The following AGBL1 variants were observed in gnomAD, a reference collection of about 807,000 sequenced individuals.
AGBL1 encodes the protein cytosolic carboxypeptidase 4.
AGBL1 carries 130 observed loss-of-function variants against 118.9 expected under a neutral mutation model. That is an observed-to-expected ratio of 1.09 (90% confidence interval 0.95 to 1.26). AGBL1 has a LOEUF of 1.26. AGBL1 is among the 50% of genes most tolerant of loss of function. The pLI is 0.00. For synonymous variants in AGBL1, 555 were observed against 478.9 expected, an observed-to-expected ratio of 1.16 and a Z score of -2.08; for missense variants, 1,584 against 1,298.1, an observed-to-expected ratio of 1.22 and a Z score of -3.38.
At chr15:86,764,593 G>T (rs1394189112) in intron 22 of AGBL1, among the ~76,000 whole-genome samples, 1 of 151,992 alleles carries the variant, frequency 6.6e-6, no homozygotes. Context: ...GTTATTTGTA[G>T]GGTAAAAGTA....
chr15:86,109,238 G>T (rs894603105), intron 1 of AGBL1, among the ~76,000 whole-genome samples: 1 of 152,042 alleles, frequency 6.6e-6, no homozygotes, highest in Non-Finnish European at 1.5e-5. Context: ...TGAAGCTTAT[G>T]CAACTTTGGA....
chr15:86,634,118 T>C (rs557285580), intron 21 of AGBL1, among the ~76,000 whole-genome samples: 1 of 152,150 alleles, frequency 6.6e-6, no homozygotes, highest in Non-Finnish European at 1.5e-5. Context: ...ATGGCGAGAA[T>C]GTAACGTGGT....
Position 86,722,475 on chromosome 15 carries a change from TC to T in AGBL1, c.3158+48042del, listed in dbSNP as rs1282240565. ...CCATCTGTAGAAAGCTGAAACTGGATCCCTTCCTTACACCTTATACAAAAAT... is the reference window on the plus strand; with the variant it reads ...CCATCTGTAGAAAGCTGAAACTGGATCCTTCCTTACACCTTATACAAAAAT... On this transcript the variant is annotated intron_variant, in intron 22 of 22. Transcript: ENST00000614907. Among the ~76,000 whole-genome samples the T allele has an allele frequency of 4.6e-5, 7 of 152,244 alleles. No individual in the cohort carries two copies. The South Asian group carries it at 1.0e-3, about 23-fold the overall frequency.
At chr15:86,194,619 A>T (rs2077771759) in intron 5 of AGBL1, among the ~76,000 whole-genome samples, 1 of 152,128 alleles carries the variant, frequency 6.6e-6, no homozygotes, top group Admixed American at 6.5e-5. Flanking sequence ...TGTGTAACTT[A>T]TTTTCCTACG....
At chr15:86,143,026 C>T (rs2076984211) in intron 2 of AGBL1, among the ~76,000 whole-genome samples, 1 of 152,216 alleles carries the variant, frequency 6.6e-6, no homozygotes, top group Non-Finnish European at 1.5e-5. Context: ...TCAACCAAGG[C>T]CAAGTTGTAA....
chr15:86,876,070 G>A (rs1267326721), intron 22 of AGBL1, among the ~76,000 whole-genome samples: 2 of 152,164 alleles, frequency 1.3e-5, no homozygotes, highest in Non-Finnish European at 2.9e-5. Flanking sequence ...AAGAATAAGA[G>A]AATGTAGCCA....
rs977662889 is a variant in AGBL1 at position 86,654,367 on chromosome 15, T to C, written c.2995-19906T>C. 4.6e-5 allele frequency among the ~76,000 whole-genome samples: 7 copies of C among 152,276 alleles called. 1 individual carries two copies. Among genetic ancestry groups the C allele is most frequent in the South Asian group, 4.1e-4 (2 of 4,822 alleles). On this transcript the variant is annotated intron_variant, in intron 21 of 22. Coordinates refer to ENST00000614907, the MANE Select transcript of AGBL1 (RefSeq NM_001386094.1). ...AGTGTAGAAGCTTCCAATTTTTACA[T>C]ATGGGTAAGTAATTGCATTTAGACA...
chr15:86,213,780 C>T (rs1316134712), intron 5 of AGBL1, among the ~76,000 whole-genome samples: 1 of 152,008 alleles, frequency 6.6e-6, no homozygotes, highest in Non-Finnish European at 1.5e-5. Context: ...CTAAAATTTG[C>T]CGTTTAAAAC....
chr15:86,412,926 A>T (rs1038309917), intron 18 of AGBL1, among the ~76,000 whole-genome samples: 5 of 152,190 alleles, frequency 3.3e-5, no homozygotes, highest in African/African-American at 1.2e-4. Context: ...AATATTAATA[A>T]TATCTTGACT....
intron 5 of AGBL1, among the ~76,000 whole-genome samples, chr15:86,203,124 A>T (rs887719252): frequency 2.0e-5 from 3 of 152,134 alleles, no homozygotes; most frequent in Non-Finnish European, 2.9e-5. Context: ...GATGATGATG[A>T]TGATGATGAT....
chr15:86,723,611 T>A (rs1029868052), intron 22 of AGBL1, among the ~76,000 whole-genome samples: 8 of 151,920 alleles, frequency 5.3e-5, no homozygotes, highest in Middle Eastern at 3.4e-3. Context: ...CACATGTAAC[T>A]AACCTGCACG....
intron 18 of AGBL1, among the ~76,000 whole-genome samples, chr15:86,499,757 A>G (rs1347674258): frequency 6.6e-6 from 1 of 151,938 alleles, no homozygotes; most frequent in Non-Finnish European, 1.5e-5. Flanking sequence ...AATTGTAAAT[A>G]AATCATTATG....
chr15:86,768,047 G>A (rs1418121791), intron 22 of AGBL1, among the ~76,000 whole-genome samples: 1 of 151,942 alleles, frequency 6.6e-6, no homozygotes, highest in East Asian at 1.9e-4. Flanking sequence ...ACTCATCACT[G>A]CAAGGTGTCT....
intron 5 of AGBL1, among the ~76,000 whole-genome samples, chr15:86,180,829 A>G (rs1028655801): frequency 1.4e-4 from 21 of 152,236 alleles, no homozygotes; most frequent in African/African-American, 4.1e-4. Context: ...AAATAATAAA[A>G]AAGAACAATC....
At position 86,247,669 on chromosome 15, in the gene AGBL1, A is replaced by G; in HGVS notation, c.527-2A>G. ...TGACCCTGCCTTTCCCTTTGTTTTC[A>G]GAGTCGAACGGCCGCAGAGCAGTGA... On this transcript the variant is annotated splice_acceptor_variant, in intron 6 of 22. Coordinates refer to ENST00000614907, the MANE Select transcript of AGBL1 (RefSeq NM_001386094.1). LOFTEE classifies it high-confidence loss of function. 1 of 1,596,308 alleles carries G rather than the reference A, an allele frequency of 6.3e-7. No homozygotes were observed. Among genetic ancestry groups the G allele is most frequent in the South Asian group, 1.1e-5 (1 of 88,286 alleles).
At chr15:86,256,749 A>G in intron 7 of AGBL1, 104 bp from the exon 8 acceptor site, 1 of 1,135,622 alleles carries the variant, frequency 8.8e-7, no homozygotes, top group Non-Finnish European at 1.3e-6. Flanking sequence ...AAACACAGCT[A>G]GGAGACTGTG....
chr15:86,903,950 C>G (rs2080246325), intron 22 of AGBL1, among the ~76,000 whole-genome samples: 1 of 152,172 alleles, frequency 6.6e-6, no homozygotes, highest in Admixed American at 6.5e-5. Flanking sequence ...CATTATTACC[C>G]AGTGGGGATA....
intron 1 of AGBL1, among the ~76,000 whole-genome samples, chr15:86,112,849 A>AT (rs200084102): frequency 0.016 from 2,479 of 150,988 alleles, 27 homozygotes; most frequent in East Asian, 0.051. Flanking sequence ...AATGTAACTG[A>AT]TTTTTTTTTT....
chr15:86,475,184 A>C (rs2082539623), intron 18 of AGBL1, among the ~76,000 whole-genome samples: 1 of 152,232 alleles, frequency 6.6e-6, no homozygotes, highest in Non-Finnish European at 1.5e-5. Context: ...CCTCCAAAGG[A>C]ACGCGACTCA....
Sources: allele counts gnomAD v4.1 joint callset (sites outside exome capture counted in the v4.1 genomes callset), GRCh38; gene constraint gnomAD v4.1.1; transcripts MANE v1.5; gene names NCBI Gene and HGNC (gene_info 2026-07-23, HGNC 2026-07-21).